RNF40: variants seen among roughly 807,000 people sequenced by gnomAD.
The protein encoded by RNF40 is ring finger protein 40, also known as E3 ubiquitin-protein ligase BRE1B.
A neutral mutation model predicts 123.3 loss-of-function variants in RNF40; 39 were observed. The ratio of observed to expected loss-of-function variants is 0.32; its 90% confidence interval spans 0.24 to 0.41. The LOEUF (loss-of-function observed/expected upper bound fraction) is 0.41. Among genes scored for constraint, RNF40 ranks in the 10% least tolerant of loss-of-function variants. The probability of loss-of-function intolerance (pLI) is 1.00; values close to 1 mark genes in which losing one functional copy is unlikely to be tolerated. For synonymous variants in RNF40, 538 were observed against 526.0 expected (o/e 1.02, Z -0.31); for missense variants, 1,003 against 1,319.9 (o/e 0.76, Z 3.72).
intron 4 of RNF40, among the ~76,000 whole-genome samples, chr16:30,763,926 C>T (rs1268789779): frequency 6.6e-6 from 1 of 152,106 alleles, no homozygotes; most frequent in African/African-American, 2.4e-5. Context: ...CATGCATGTG[C>T]GTGTGATTCT....
At position 30,764,945 on chromosome 16, in the gene RNF40, T is replaced by C; in HGVS notation, c.657T>C (p.Ser219=). Residue 219 remains serine, a synonymous_variant, in exon 6 of 20, where the codon AGT becomes AGC. Transcript: ENST00000324685. The stretch of plus-strand genomic sequence containing the variant: ...TGGGCCCTGCCTTCCCAGGGGACAG[T>C]GAGCCCCTCAGTGAGGCGGCTCAGG... ...LCQRVYSRGD[S]EPLSEAAQAH... The C allele has an allele frequency of 6.2e-7, 1 of 1,611,656 alleles. No homozygotes were observed. The highest frequency in any genetic ancestry group is 8.5e-7 in the Non-Finnish European group (1 of 1,179,650).
At chr16:30,762,049 C>T, upstream of RNF40, 1 of 465,752 alleles carries the variant, frequency 2.1e-6, no homozygotes, top group African/African-American at 2.1e-5. Context: ...CCCTCTCTTC[C>T]AGGTTGCTAA....
In RNF40 at chr16:30,768,555, C is replaced by T. The variant is rs749663807; in HGVS notation, c.1979+25C>T. The T allele has an allele frequency of 1.9e-6, 3 of 1,613,470 alleles. No homozygotes were observed. The highest frequency in any genetic ancestry group is 1.1e-5 in the South Asian group (1 of 91,070). ...AGTGAGGCTCTGTTCCTGTCTCCTT[C>T]CTGACCCTGCCAGGTGGCCTCCAGT... On this transcript the variant is annotated intron_variant, in intron 13 of 19. Transcript: ENST00000324685. This position sits in a 1 kb window ranked among gnomAD's most constrained non-coding sequence, Gnocchi z 4.1.
intron 17 of RNF40, 119 bp from the exon 18 acceptor site, chr16:30,771,714 G>C: frequency 8.7e-7 from 1 of 1,143,580 alleles, no homozygotes; most frequent in East Asian, 2.4e-5. Context: ...CAGGAGGCAG[G>C]AGCAGCTCCA....
At position 30,769,003 on chromosome 16, in the gene RNF40, T is replaced by C. The variant is rs749182375; in HGVS notation, c.2247+16T>C. On this transcript the variant is annotated intron_variant, in intron 15 of 19. Transcript: ENST00000324685. ...CACCAAGCAGGTGCGGCCCATGTGGTGCCCTCGCGTCGGAGCGCAGGGAGT... is the reference window on the plus strand; with the variant it reads ...CACCAAGCAGGTGCGGCCCATGTGGCGCCCTCGCGTCGGAGCGCAGGGAGT... 28 of 1,613,578 alleles carry C rather than the reference T, an allele frequency of 1.7e-5. No individual in the cohort carries two copies. The highest frequency in any genetic ancestry group is 2.4e-5 in the Non-Finnish European group (28 of 1,179,938).
chr16:30,773,377 C>T (rs2054180438), intron 19 of RNF40, among the ~76,000 whole-genome samples: 1 of 152,052 alleles, frequency 6.6e-6, no homozygotes, highest in African/African-American at 2.4e-5. Flanking sequence ...TTTTAGCAGG[C>T]TGGAGGAGCA....
At chr16:30,765,818 G>A (rs924389739) in intron 8 of RNF40, among the ~76,000 whole-genome samples, 1 of 152,220 alleles carries the variant, frequency 6.6e-6, no homozygotes. Context: ...TGTGTTATGA[G>A]TACCACAAAG....
In RNF40 at chr16:30,768,559, A is replaced by C. The variant is rs771460741; in HGVS notation, c.1979+29A>C. 6.2e-7 allele frequency: 1 copy of C among 1,613,590 alleles called. No individual in the cohort carries two copies. The highest frequency in any genetic ancestry group is 2.2e-5 in the East Asian group (1 of 44,852). On this transcript the variant is annotated intron_variant, in intron 13 of 19. Transcript: ENST00000324685. This position sits in a 1 kb window ranked among gnomAD's most constrained non-coding sequence, Gnocchi z 4.1. ...AGGCTCTGTTCCTGTCTCCTTCCTG[A>C]CCCTGCCAGGTGGCCTCCAGTCCCA...
rs546690257 is a variant in RNF40, at chr16:30,762,607, A to C, written c.62A>C (p.Lys21Thr). The C allele has an allele frequency of 6.2e-7, 1 of 1,610,422 alleles. No individual in the cohort carries two copies. Among genetic ancestry groups the C allele is most frequent in the African/African-American group, 1.3e-5 (1 of 74,804 alleles). Residue 21 changes from lysine to threonine, a missense_variant, in exon 2 of 20, where the codon AAG becomes ACG. By Grantham distance (78) the Lys-to-Thr change is moderately conservative. Around this residue, in one of 11 missense-constraint regions of RNF40, gnomAD observed 51 missense variants for 56.2 expected, o/e 0.91. Coordinates refer to ENST00000324685, the MANE Select transcript of RNF40 (RefSeq NM_014771.4). ...GGGGGCTCAGGGCCCCCGGAAAAGAAGCTGAGTCGTGAGGAGAAGACCACC... is the reference window on the plus strand; with the variant it reads ...GGGGGCTCAGGGCCCCCGGAAAAGACGCTGAGTCGTGAGGAGAAGACCACC... Reference protein sequence around the residue: ...GDGGSGPPEKKLSREEKTTTT... With the variant: ...GDGGSGPPEKTLSREEKTTTT...
In RNF40 at chr16:30,769,398, G is replaced by T. The variant is rs1489243614; in HGVS notation, c.2460G>T (p.Gln820His). The T allele has an allele frequency of 6.2e-7, 1 of 1,614,238 alleles. No individual in the cohort carries two copies. The highest frequency in any genetic ancestry group is 8.5e-7 in the Non-Finnish European group (1 of 1,180,048). Reference sequence around the variant, plus strand: ...AGCAGGTCCTTGGCCTCAAGTCCCAGGTATGGCCGCCGCCAGCTTGCAGAC... The same window carrying T: ...AGCAGGTCCTTGGCCTCAAGTCCCATGTATGGCCGCCGCCAGCTTGCAGAC... ...LGEQVLGLKS[Q>H]VDAQLLTVQK... The change falls in exon 16 of 20, where the codon CAG becomes CAT. Residue 820 changes from glutamine (Q) to histidine (H), a missense_variant and splice_region_variant. Physicochemically the swap from Gln to His is conservative, Grantham distance 24. Around this residue, in one of 11 missense-constraint regions of RNF40, gnomAD observed 121 missense variants for 125.3 expected, o/e 0.97. Transcript: ENST00000324685.
chr16:30,766,124 CTGGCCCTGCCTCCCA>C lies in RNF40; in HGVS notation c.994-23_994-9del, dbSNP rs779766433. On this transcript the variant is annotated intron_variant, in intron 8 of 19. Coordinates refer to ENST00000324685, the MANE Select transcript of RNF40 (RefSeq NM_014771.4). This position sits in a 1 kb window ranked among gnomAD's most constrained non-coding sequence, Gnocchi z 5.4. ...ATGTAAGGGAGGCCTGCTGCCACGT[CTGGCCCTGCCTCCCA>C]TGGCCCTGCCTCCCACTCCTTAGTT... is the stretch of plus-strand genomic sequence containing the variant. 47 of 1,612,638 alleles carry C rather than the reference CTGGCCCTGCCTCCCA, an allele frequency of 2.9e-5. No individual in the cohort carries two copies. Among genetic ancestry groups the C allele is most frequent in the African/African-American group, 8.0e-5 (6 of 74,904 alleles).
In RNF40 at chr16:30,763,121, G is replaced by A; in HGVS notation, c.136G>A (p.Glu46Lys). ...IRLGGISSTE[E>K]MDLKVLQFKN... ...GCCCCTTTGTTTCCTTTGGTAGGAG[G>A]AGATGGACCTGAAGGTACTACAGTT... The change falls in exon 3 of 20, where the codon GAG becomes AAG. Residue 46 changes from glutamate to lysine, a missense_variant. This residue lies in a region of RNF40 where 2 missense variants were observed against 21.2 expected (regional missense o/e 0.09). Coordinates refer to ENST00000324685, the MANE Select transcript of RNF40 (RefSeq NM_014771.4). The A allele has an allele frequency of 1.2e-6, 2 of 1,613,764 alleles. No individual in the cohort carries two copies. Among genetic ancestry groups the A allele is most frequent in the Non-Finnish European group, 1.7e-6 (2 of 1,180,038 alleles).
rs912259911 is a variant in RNF40 at position 30,774,127 on chromosome 16, G to A, written c.*13G>A. ...CTACATCAGCTGAACCTGAAACTCA[G>A]GGGACTCTGGAACACCATGGACCCT... is the stretch of plus-strand genomic sequence containing the variant. On this transcript the variant is annotated 3_prime_UTR_variant, in exon 20 of 20. Coordinates refer to ENST00000324685, the MANE Select transcript of RNF40 (RefSeq NM_014771.4). 2 of 1,608,094 alleles carry A rather than the reference G, an allele frequency of 1.2e-6. No individual in the cohort carries two copies. Among genetic ancestry groups the A allele is most frequent in the Non-Finnish European group, 1.7e-6 (2 of 1,175,854 alleles).
At chr16:30,764,865 C>G (rs917361946) in intron 5 of RNF40, 73 bp from the exon 6 acceptor site, 11 of 1,552,670 alleles carry the variant, frequency 7.1e-6, no homozygotes, top group Non-Finnish European at 6.1e-6. Flanking sequence ...GGGTATATAG[C>G]AGACTCCAGA....
Position 30,764,322 on chromosome 16 carries a change from G to A in RNF40, c.586G>A (p.Val196Ile). The A allele has an allele frequency of 6.2e-7, 1 of 1,614,002 alleles. No individual in the cohort carries two copies. The highest frequency in any genetic ancestry group is 8.5e-7 in the Non-Finnish European group (1 of 1,179,996). ...EFSKAAVSRV[V>I]EASDRLQRRV... ...CTCCAAGGCAGCTGTGTCTCGTGTG[G>A]TAGAGGCCTCAGACCGCCTACAGCG... The change falls in exon 5 of 20, where the codon GTA (valine) becomes ATA (isoleucine). Residue 196 changes from valine to isoleucine, a missense_variant. Around this residue, in one of 11 missense-constraint regions of RNF40, gnomAD observed 274 missense variants for 356.9 expected, o/e 0.77. Coordinates refer to ENST00000324685, the MANE Select transcript of RNF40 (RefSeq NM_014771.4).
intron 15 of RNF40, 58 bp from the exon 16 acceptor site, chr16:30,769,128 C>G: frequency 6.2e-7 from 1 of 1,600,276 alleles, no homozygotes; most frequent in Non-Finnish European, 8.6e-7. Context: ...CCATGGTTCC[C>G]CCACAGCCAT....
At chr16:30,772,567 TCACCA>T (rs1277036303) in intron 19 of RNF40, among the ~76,000 whole-genome samples, 1 of 152,190 alleles carries the variant, frequency 6.6e-6, no homozygotes, top group Non-Finnish European at 1.5e-5. Flanking sequence ...GGAGTGAATG[TCACCA>T]CAGCAGACCT....
chr16:30,768,386 G>A lies in RNF40; in HGVS notation c.1835G>A (p.Arg612Gln), dbSNP rs1419909617. The A allele has an allele frequency of 1.7e-5, 27 of 1,613,568 alleles. No individual in the cohort carries two copies. Among genetic ancestry groups the A allele is most frequent in the Non-Finnish European group, 2.1e-5 (25 of 1,179,880 alleles). Residue 612 changes from arginine to glutamine, a missense_variant, in exon 13 of 20, where the codon CGG becomes CAG. Arg to Gln is a conservative substitution (Grantham distance 43, BLOSUM62 1). Transcript: ENST00000324685. The surrounding 1 kb of genome is among the most constrained non-coding windows in gnomAD (Gnocchi z 4.1). ...RGREPEARPK[R>Q]ELREREGPSL... ...CGAGAACCTGAGGCCAGGCCCAAGC[G>A]GGAGCTTCGGGAACGGGAAGGTCCC...
rs2054225299 is a variant in RNF40 at position 30,775,822 on chromosome 16, T to A, written c.*1708T>A. Reference sequence around the variant, plus strand: ...CCGCGTGCGTCTCAGCGGTGGCGCCTTCGGACCCTATTGGCGCCCGGGACT... The same window carrying A: ...CCGCGTGCGTCTCAGCGGTGGCGCCATCGGACCCTATTGGCGCCCGGGACT... On this transcript the variant is annotated 3_prime_UTR_variant, in exon 20 of 20. Transcript: ENST00000324685. The A allele has an allele frequency of 6.6e-6, 1 of 152,164 alleles. No homozygotes were observed. The highest frequency in any genetic ancestry group is 2.1e-4 in the South Asian group (1 of 4,822). The allele number at this position is 152,164 out of a possible 1,614,324, so 9.4% of individuals were successfully genotyped here.
Sources: gnomAD v4.1 joint callset for allele counts (sites outside exome capture counted in the v4.1 genomes callset) on GRCh38, gnomAD v4.1.1 for gene constraint, gnomAD v4.1.1 regional missense constraint, Gnocchi (gnomAD v3.1) non-coding constraint, MANE v1.5 for transcripts, NCBI Gene and HGNC (gene_info 2026-07-23, HGNC 2026-07-21) for gene names.